Variants in DRC11 observed in about 807,000 individuals in gnomAD.
DRC11 encodes the protein dynein regulatory complex subunit 11.
chr2:236,327,054 C>T, the DRC11 span, among the ~76,000 whole-genome samples: 1 of 151,972 alleles, frequency 6.6e-6, no homozygotes, highest in South Asian at 2.1e-4. Flanking sequence ...TTGTTTTGGG[C>T]TCTGTCTCTC....
the DRC11 span, among the ~76,000 whole-genome samples, chr2:236,348,793 C>T: frequency 0.17 from 25,919 of 152,144 alleles, 2,478 homozygotes; most frequent in Non-Finnish European, 0.22. This position sits in a 1 kb window ranked among gnomAD's most constrained non-coding sequence, Gnocchi z 7.4. Flanking sequence ...CTACTATGCA[C>T]TGGCTTATGC....
chr2:236,357,855 T>TATAC, the DRC11 span, among the ~76,000 whole-genome samples: 2 of 125,018 alleles, frequency 1.6e-5, no homozygotes, highest in African/African-American at 3.2e-5. Context: ...AATATATAAA[T>TATAC]ATATACTATA....
At chr2:236,489,192 G>A in the DRC11 span, among the ~76,000 whole-genome samples, 1 of 141,952 alleles carries the variant, frequency 7.0e-6, no homozygotes, top group Admixed American at 7.1e-5. Context: ...GGTGTATGCT[G>A]GGGCCTGTAT....
chr2:236,348,227 C>T, the DRC11 span, among the ~76,000 whole-genome samples: 30 of 152,272 alleles, frequency 2.0e-4, no homozygotes, highest in Admixed American at 1.1e-3. This position sits in a 1 kb window ranked among gnomAD's most constrained non-coding sequence, Gnocchi z 7.4. Context: ...GCTGGCAATC[C>T]GGAGTTCTAG....
chr2:236,321,435 G>A, the DRC11 span, among the ~76,000 whole-genome samples: 17 of 152,344 alleles, frequency 1.1e-4, no homozygotes, highest in African/African-American at 3.8e-4. Flanking sequence ...GTTACCATTT[G>A]TGTGAAACAC....
the DRC11 span, among the ~76,000 whole-genome samples, chr2:236,328,063 T>C: frequency 6.6e-6 from 1 of 152,246 alleles, no homozygotes; most frequent in African/African-American, 2.4e-5. This position sits in a 1 kb window ranked among gnomAD's most constrained non-coding sequence, Gnocchi z 6.7. Flanking sequence ...CATGCTTATT[T>C]TGTAGTCTCT....
At chr2:236,486,954 T>C in the DRC11 span, 1 of 1,371,106 alleles carries the variant, frequency 7.3e-7, no homozygotes, top group African/African-American at 1.4e-5. The surrounding 1 kb of genome is among the most constrained non-coding windows in gnomAD (Gnocchi z 5.7). Flanking sequence ...AAAGAAAACA[T>C]GGCTTGCAGT....
At chr2:236,499,650 G>A in the DRC11 span, among the ~76,000 whole-genome samples, 24 of 152,110 alleles carry the variant, frequency 1.6e-4, no homozygotes, top group African/African-American at 5.8e-4. The surrounding 1 kb of genome is among the most constrained non-coding windows in gnomAD (Gnocchi z 4.7). Context: ...GGCTGGTCTC[G>A]AACTCCTGAC....
the DRC11 span, among the ~76,000 whole-genome samples, chr2:236,470,420 C>T: frequency 6.6e-6 from 1 of 152,120 alleles, no homozygotes; most frequent in African/African-American, 2.4e-5. The surrounding 1 kb of genome is among the most constrained non-coding windows in gnomAD (Gnocchi z 5.1). Flanking sequence ...TTGATGAGCA[C>T]CACGGCCCCC....
At chr2:236,440,492 A>T in the DRC11 span, among the ~76,000 whole-genome samples, 1 of 152,332 alleles carries the variant, frequency 6.6e-6, no homozygotes, top group East Asian at 1.9e-4. Context: ...TGAAGACATT[A>T]AAAAAATAGT....
At chr2:236,357,604 TATATATTTATAA>T in the DRC11 span, among the ~76,000 whole-genome samples, 1 of 125,298 alleles carries the variant, frequency 8.0e-6, no homozygotes, top group East Asian at 2.3e-4. Flanking sequence ...TTTATGTAAA[TATATATTTATAA>T]ATATATAAAT....
chr2:236,502,548 C>CAAAAAAAAAAAAAAAAAAAAAAAAAAAA, the DRC11 span, among the ~76,000 whole-genome samples: 9 of 15,092 alleles, frequency 6.0e-4, 1 homozygote, highest in African/African-American at 1.3e-3. Context: ...TGCACTCCAG[C>CAAAAAAAAAAAAAAAAAAAAAAAAAAAA]AAAAAAAAAA....
chr2:236,356,621 T>G, the DRC11 span, among the ~76,000 whole-genome samples: 1 of 152,048 alleles, frequency 6.6e-6, no homozygotes, highest in Non-Finnish European at 1.5e-5. Context: ...ATGGGCACGT[T>G]AATTCCTACC....
chr2:236,399,058 C>T, the DRC11 span, among the ~76,000 whole-genome samples: 18 of 151,428 alleles, frequency 1.2e-4, no homozygotes, highest in Middle Eastern at 3.2e-3. The surrounding 1 kb of genome is among the most constrained non-coding windows in gnomAD (Gnocchi z 7.0). Flanking sequence ...GGCGTGATAT[C>T]GGCTCACTGC....
At chr2:236,400,756 G>A in the DRC11 span, among the ~76,000 whole-genome samples, 1 of 152,194 alleles carries the variant, frequency 6.6e-6, no homozygotes, top group Non-Finnish European at 1.5e-5. The surrounding 1 kb of genome is among the most constrained non-coding windows in gnomAD (Gnocchi z 7.9). Flanking sequence ...GGGCTCCAGG[G>A]TTGGGCTCCG....
At chr2:236,423,768 A>T in the DRC11 span, among the ~76,000 whole-genome samples, 1 of 152,296 alleles carries the variant, frequency 6.6e-6, no homozygotes, top group East Asian at 1.9e-4. Flanking sequence ...TTATTGTGGC[A>T]CTATTCACTA....
At chr2:236,492,813 G>C in the DRC11 span, among the ~76,000 whole-genome samples, 1 of 152,256 alleles carries the variant, frequency 6.6e-6, no homozygotes, top group Non-Finnish European at 1.5e-5. Context: ...GGTCATGAGA[G>C]TCAGGCTAAG....
At chr2:236,376,605 GT>G in the DRC11 span, among the ~76,000 whole-genome samples, 2 of 152,110 alleles carry the variant, frequency 1.3e-5, no homozygotes, top group Non-Finnish European at 2.9e-5. The surrounding 1 kb of genome is among the most constrained non-coding windows in gnomAD (Gnocchi z 5.7). Flanking sequence ...TCATCATGGT[GT>G]TTTTTAAAAA....
At chr2:236,405,628 A>G in the DRC11 span, among the ~76,000 whole-genome samples, 7 of 152,190 alleles carry the variant, frequency 4.6e-5, no homozygotes, top group South Asian at 1.5e-3. This position sits in a 1 kb window ranked among gnomAD's most constrained non-coding sequence, Gnocchi z 4.6. Context: ...ACTCAGGACA[A>G]AGCAGTTGTT....
Sources: allele counts gnomAD v4.1 joint callset (sites outside exome capture counted in the v4.1 genomes callset), GRCh38; gene constraint gnomAD v4.1.1; non-coding constraint Gnocchi (gnomAD v3.1); transcripts MANE v1.5; gene names NCBI Gene and HGNC (gene_info 2026-07-23, HGNC 2026-07-21).